The following SNX3 variants were observed in gnomAD, a reference collection of about 807,000 sequenced individuals.
SNX3 encodes sorting nexin 3.
In SNX3, 5 loss-of-function variants were observed where a neutral mutation model predicts 17.7. The ratio of observed to expected loss-of-function variants is 0.28; its 90% CI spans 0.15 to 0.59. SNX3 has a LOEUF of 0.59. SNX3 is among the 20% of genes least tolerant of loss of function. SNX3 has a pLI of 0.88. For missense variants in SNX3, 132 were observed against 206.8 expected (o/e 0.64, Z 2.22); for synonymous variants, 91 against 76.5 (o/e 1.19, Z -0.99).
chr6:108,247,797 G>A (rs1234910273), intron 1 of SNX3, among the ~76,000 whole-genome samples: 1 of 151,798 alleles, frequency 6.6e-6, no homozygotes, highest in African/African-American at 2.4e-5. Context: ...CCTGAACATC[G>A]ATGCTTAAAA....
At chr6:108,241,938 G>T (rs1238336162) in intron 1 of SNX3, among the ~76,000 whole-genome samples, 1 of 152,176 alleles carries the variant, frequency 6.6e-6, no homozygotes, top group African/African-American at 2.4e-5. Context: ...CATGCTTAAA[G>T]AACTGAAAGA....
chr6:108,229,618 G>A (rs1314838635), intron 1 of SNX3, among the ~76,000 whole-genome samples: 1 of 152,090 alleles, frequency 6.6e-6, no homozygotes, highest in Non-Finnish European at 1.5e-5. Context: ...ACAGAGTTTC[G>A]CTCTTGTCGC....
chr6:108,229,086 C>G (rs1303693379), intron 1 of SNX3, among the ~76,000 whole-genome samples: 2 of 151,540 alleles, frequency 1.3e-5, no homozygotes, highest in Admixed American at 1.3e-4. Context: ...ACAGTGAAAC[C>G]CCATCTCTAC....
Position 108,222,958 on chromosome 6 carries a change from C to G in SNX3, c.250G>C (p.Glu84Gln), listed in dbSNP as rs773742877. Residue 84 changes from glutamate to glutamine, a missense_variant, in exon 2 of 4, where the codon GAG becomes CAG. Glu to Gln is a conservative substitution (Grantham distance 29). Around this residue, in one of 2 missense-constraint regions of SNX3, gnomAD observed 54 missense variants for 118.0 expected, o/e 0.46. Coordinates refer to ENST00000230085, the MANE Select transcript of SNX3 (RefSeq NM_003795.6). ...FEWLRSELER[E>Q]SKVVVPPLPG... The stretch of plus-strand genomic sequence containing the variant: ...TCATAAATCATTCTTACCTTGCTCT[C>G]TCTTTCTAATTCACTTCGCAGCCAT... 2 of 1,587,248 alleles carry G rather than the reference C, an allele frequency of 1.3e-6. No individual in the cohort carries two copies. The highest frequency in any genetic ancestry group is 8.6e-7 in the Non-Finnish European group (1 of 1,157,700).
At chr6:108,222,246 A>T in intron 2 of SNX3, 1 of 1,304,280 alleles carries the variant, frequency 7.7e-7, no homozygotes, top group South Asian at 1.2e-5. Flanking sequence ...TCTAGTCACA[A>T]AATAACTTTT....
chr6:108,255,313 A>C (rs1201514077), intron 1 of SNX3, among the ~76,000 whole-genome samples: 3 of 152,140 alleles, frequency 2.0e-5, no homozygotes, highest in African/African-American at 7.2e-5. Context: ...GATTCTGCAG[A>C]TGTCCTCTGG....
intron 2 of SNX3, among the ~76,000 whole-genome samples, chr6:108,220,055 AC>A (rs1419511409): frequency 1.3e-5 from 2 of 152,200 alleles, no homozygotes; most frequent in Non-Finnish European, 2.9e-5. Flanking sequence ...AATATAAAGA[AC>A]ATATTTTTGT....
At chr6:108,218,794 C>T (rs995782828) in intron 2 of SNX3, among the ~76,000 whole-genome samples, 1 of 152,118 alleles carries the variant, frequency 6.6e-6, no homozygotes, top group Non-Finnish European at 1.5e-5. Flanking sequence ...TTACATATGC[C>T]CAGAATGGGC....
Position 108,260,752 on chromosome 6 carries a change from G to C in SNX3, c.162+8C>G. The C allele has an allele frequency of 1.2e-6, 2 of 1,613,524 alleles. No homozygotes were observed. The highest frequency in any genetic ancestry group is 1.7e-5 in the Admixed American group (1 of 60,014). Reference sequence around the variant, plus strand: ...GGGTTTCTTGGGAGAGGGGAGAGACGGCCTCACCTTGACCCTGATTTCGTA... The same window carrying C: ...GGGTTTCTTGGGAGAGGGGAGAGACCGCCTCACCTTGACCCTGATTTCGTA... On this transcript the variant is annotated splice_region_variant and intron_variant, in intron 1 of 3. Transcript: ENST00000230085.
At chr6:108,226,182 C>A (rs557775045) in intron 1 of SNX3, among the ~76,000 whole-genome samples, 1 of 152,004 alleles carries the variant, frequency 6.6e-6, no homozygotes, top group African/African-American at 2.4e-5. Context: ...CAAGTGATTT[C>A]TCCTACCTCA....
chr6:108,212,988 A>G (rs951104126), intron 3 of SNX3, among the ~76,000 whole-genome samples: 2 of 150,736 alleles, frequency 1.3e-5, no homozygotes, highest in African/African-American at 2.4e-5. Context: ...CCCAGGTTCA[A>G]GCGATTCTCC....
intron 1 of SNX3, among the ~76,000 whole-genome samples, chr6:108,223,437 C>T (rs928244482): frequency 4.7e-5 from 7 of 150,516 alleles, no homozygotes; most frequent in Non-Finnish European, 7.4e-5. Context: ...GGCACCCGGC[C>T]GAAATCATGA....
intron 1 of SNX3, among the ~76,000 whole-genome samples, chr6:108,232,780 T>C (rs3800222): frequency 9.7e-4 from 148 of 152,334 alleles, no homozygotes; most frequent in South Asian, 8.5e-3. Context: ...CATCTAGAGA[T>C]AAAAGATAAA....
intron 1 of SNX3, among the ~76,000 whole-genome samples, chr6:108,260,266 G>C (rs1214323084): frequency 6.6e-6 from 1 of 152,172 alleles, no homozygotes; most frequent in Non-Finnish European, 1.5e-5. Flanking sequence ...CTTTCATTAA[G>C]TCCCGTTCAG....
chr6:108,235,733 TA>T (rs1379489374), intron 1 of SNX3, among the ~76,000 whole-genome samples: 1 of 152,038 alleles, frequency 6.6e-6, no homozygotes, highest in Non-Finnish European at 1.5e-5. Flanking sequence ...TCGTCTCTAC[TA>T]AAAATACAAA....
At chr6:108,254,211 G>T (rs1775964280) in intron 1 of SNX3, among the ~76,000 whole-genome samples, 1 of 151,920 alleles carries the variant, frequency 6.6e-6, no homozygotes, top group Non-Finnish European at 1.5e-5. Context: ...GGCTCCTCAG[G>T]TGATATGAAT....
chr6:108,238,783 G>A (rs947538919), intron 1 of SNX3, among the ~76,000 whole-genome samples: 1 of 152,144 alleles, frequency 6.6e-6, no homozygotes, highest in Non-Finnish European at 1.5e-5. Flanking sequence ...TTTTGTAGTG[G>A]AAGTTCTTGA....
In SNX3 at chr6:108,212,269, T is replaced by C. The variant is rs770928221; in HGVS notation, c.384-15A>G. ...GACCAGCGACCCTGAGAATAAAAAA[T>C]ATAAATTTAGTCCAATATTTTATAC... is the stretch of plus-strand genomic sequence containing the variant. On this transcript the variant is annotated splice_polypyrimidine_tract_variant and intron_variant, in intron 3 of 3. Transcript: ENST00000230085. 3.9e-6 allele frequency: 6 copies of C among 1,554,606 alleles called. No homozygotes were observed. Among genetic ancestry groups the C allele is most frequent in the East Asian group, 2.3e-5 (1 of 44,284 alleles).
At chr6:108,258,928 A>T (rs1260943259) in intron 1 of SNX3, among the ~76,000 whole-genome samples, 8 of 152,202 alleles carry the variant, frequency 5.3e-5, no homozygotes, top group Admixed American at 5.2e-4. Flanking sequence ...AGCAAGATAA[A>T]CTCAAAGTAA....
Sources: allele counts gnomAD v4.1 joint callset (sites outside exome capture counted in the v4.1 genomes callset), GRCh38; gene constraint gnomAD v4.1.1; regional missense constraint gnomAD v4.1.1; transcripts MANE v1.5; gene names NCBI Gene and HGNC (gene_info 2026-07-23, HGNC 2026-07-21).